Variants in ATP8A1 observed in about 807,000 individuals in gnomAD.
ATP8A1 encodes the protein phospholipid-transporting ATPase IA.
Under a neutral mutation model 177.7 loss-of-function variants are expected in ATP8A1, and 90 were observed. The ratio of observed to expected loss-of-function variants is 0.51; its 90% confidence interval spans 0.43 to 0.60. ATP8A1 has a LOEUF of 0.60. Ranked by LOEUF, ATP8A1 falls within the 20% of genes least tolerant of loss-of-function variation. ATP8A1 has a pLI of 0.00. For missense variants in ATP8A1, 1,072 were observed against 1,392.8 expected (o/e 0.77, Z 3.67); for synonymous variants, 493 against 485.9 (o/e 1.01, Z -0.19).
chr4:42,440,258 G>A (rs1260791461), intron 33 of ATP8A1, among the ~76,000 whole-genome samples: 2 of 151,748 alleles, frequency 1.3e-5, no homozygotes, highest in Non-Finnish European at 2.9e-5. Flanking sequence ...CCTCCTAAGC[G>A]GCTTGCAATA....
At chr4:42,645,045 A>C (rs77455768) in intron 1 of ATP8A1, among the ~76,000 whole-genome samples, 8,556 of 152,288 alleles carry the variant, frequency 0.056, 303 homozygotes, top group Middle Eastern at 0.092. Flanking sequence ...GTTACCAAAA[A>C]ACTAGTAATG....
At chr4:42,628,671 C>G (rs1220804310) in intron 1 of ATP8A1, among the ~76,000 whole-genome samples, 2 of 152,144 alleles carry the variant, frequency 1.3e-5, no homozygotes, top group East Asian at 3.8e-4. Flanking sequence ...ACTTTTCCCT[C>G]TAGTTTTGTA....
At chr4:42,447,789 G>T (rs1037983455) in intron 30 of ATP8A1, among the ~76,000 whole-genome samples, 3 of 152,264 alleles carry the variant, frequency 2.0e-5, no homozygotes, top group Admixed American at 2.0e-4. Flanking sequence ...GTCATTTTGG[G>T]TTATTTATAA....
At chr4:42,512,398 G>A (rs1725095723) in intron 22 of ATP8A1, among the ~76,000 whole-genome samples, 1 of 152,094 alleles carries the variant, frequency 6.6e-6, no homozygotes, top group African/African-American at 2.4e-5. Flanking sequence ...CTACCTGCAG[G>A]CCTCAGGGTC....
chr4:42,600,449 C>A (rs374138844), intron 6 of ATP8A1, 29 bp downstream of exon 6: 5 of 1,592,390 alleles, frequency 3.1e-6, no homozygotes, highest in East Asian at 2.3e-5. Context: ...TATTTCTTCT[C>A]CTGGAACAAA....
chr4:42,552,552 A>G lies in ATP8A1; in HGVS notation c.1472T>C (p.Val491Ala). 6.2e-7 allele frequency: 1 copy of G among 1,613,792 alleles called. No homozygotes were observed. Residue 491 changes from valine (V) to alanine (A), a missense_variant, in exon 17 of 37, where the codon GTG (valine) becomes GCG (alanine). Coordinates refer to ENST00000381668, the MANE Select transcript of ATP8A1 (RefSeq NM_006095.2). ...LTMMAVCHTAVPEREGDKIIY... is the reference protein window; with the variant it reads ...LTMMAVCHTAAPEREGDKIIY... ...AATCTTGTCACCTTCTCGCTCTGGC[A>G]CTGCTGTGTGACAGACTGCCATCAT...
At chr4:42,582,065 A>G (rs1205414255) in intron 9 of ATP8A1, among the ~76,000 whole-genome samples, 1 of 152,132 alleles carries the variant, frequency 6.6e-6, no homozygotes, top group African/African-American at 2.4e-5. Flanking sequence ...GATTTAGAAG[A>G]GGTCATGAGG....
chr4:42,603,746 AC>A (rs1171533737), intron 5 of ATP8A1, among the ~76,000 whole-genome samples: 2 of 151,824 alleles, frequency 1.3e-5, no homozygotes, highest in Non-Finnish European at 2.9e-5. Context: ...TCAAGGAACC[AC>A]CCCCTCCCAA....
At chr4:42,555,217 C>A (rs867362422) in intron 16 of ATP8A1, among the ~76,000 whole-genome samples, 3 of 125,546 alleles carry the variant, frequency 2.4e-5, no homozygotes, top group East Asian at 2.4e-4. Flanking sequence ...TCTGCCCCCC[C>A]CTAGAGAACC....
At chr4:42,586,836 A>T (rs1733658958) in intron 8 of ATP8A1, among the ~76,000 whole-genome samples, 1 of 152,244 alleles carries the variant, frequency 6.6e-6, no homozygotes, top group Admixed American at 6.5e-5. Context: ...AACAAGATGA[A>T]AATGGATGGA....
chr4:42,631,503 CATTAGGG>C, intron 1 of ATP8A1, among the ~76,000 whole-genome samples: 1 of 152,180 alleles, frequency 6.6e-6, no homozygotes, highest in Non-Finnish European at 1.5e-5. Flanking sequence ...ACTCTCATAG[CATTAGGG>C]AAGTACAGCC....
chr4:42,451,424 T>C (rs1717918662), intron 30 of ATP8A1, among the ~76,000 whole-genome samples: 1 of 152,202 alleles, frequency 6.6e-6, no homozygotes, highest in African/African-American at 2.4e-5. Flanking sequence ...TTTTCTAAAG[T>C]AGCTATTTAA....
intron 24 of ATP8A1, among the ~76,000 whole-genome samples, chr4:42,486,009 T>C (rs1722162538): frequency 6.6e-6 from 1 of 152,182 alleles, no homozygotes; most frequent in African/African-American, 2.4e-5. Context: ...TGTAAAGAAA[T>C]AGCACTTGAA....
chr4:42,514,169 A>C (rs987422172), intron 22 of ATP8A1, among the ~76,000 whole-genome samples: 5 of 152,220 alleles, frequency 3.3e-5, no homozygotes, highest in African/African-American at 1.2e-4. Context: ...AATAGATTTT[A>C]ACTTGGTGCT....
intron 23 of ATP8A1, among the ~76,000 whole-genome samples, chr4:42,504,393 T>G (rs1477891158): frequency 7.9e-5 from 12 of 152,212 alleles, no homozygotes; most frequent in Non-Finnish European, 1.8e-4. Flanking sequence ...TACTTTCCCT[T>G]CAGTTTTCAT....
intron 1 of ATP8A1, among the ~76,000 whole-genome samples, chr4:42,635,782 C>CACACACATATATATATATAT (rs1553920597): frequency 1.9e-5 from 1 of 51,990 alleles, no homozygotes; most frequent in Non-Finnish European, 4.2e-5. Context: ...CACACACACA[C>CACACACATATATATATATAT]ATATATATAT....
At chr4:42,558,007 G>C (rs929694478) in intron 15 of ATP8A1, among the ~76,000 whole-genome samples, 1 of 151,988 alleles carries the variant, frequency 6.6e-6, no homozygotes, top group African/African-American at 2.4e-5. Context: ...ACTCCAGCCT[G>C]GGTAACAGAG....
chr4:42,617,919 C>T (rs1236417882), intron 4 of ATP8A1, among the ~76,000 whole-genome samples: 1 of 152,166 alleles, frequency 6.6e-6, no homozygotes, highest in African/African-American at 2.4e-5. Context: ...AAAAAGAAAG[C>T]ATCTAACTTT....
chr4:42,577,043 G>A (rs1732532435), intron 12 of ATP8A1, among the ~76,000 whole-genome samples: 1 of 152,106 alleles, frequency 6.6e-6, no homozygotes, highest in Admixed American at 6.6e-5. Flanking sequence ...AAAGAAGGCT[G>A]GAAAGTCAGT....
Sources: gnomAD v4.1 joint callset for allele counts (sites outside exome capture counted in the v4.1 genomes callset) on GRCh38, gnomAD v4.1.1 for gene constraint, MANE v1.5 for transcripts, NCBI Gene and HGNC (gene_info 2026-07-23, HGNC 2026-07-21) for gene names.